The following ATXN3 variants were observed in gnomAD, a reference collection of about 807,000 sequenced individuals.
ATXN3 encodes the protein ataxin 3, also known as ataxin-3.
Under a neutral mutation model 58.2 loss-of-function variants are expected in ATXN3, and 28 were observed. That is an observed-to-expected ratio of 0.48 (90% CI 0.36 to 0.66). The LOEUF (loss-of-function observed/expected upper bound fraction) is 0.66, where lower values mean the gene tolerates loss of function less well. ATXN3 is among the 30% of genes least tolerant of loss of function. The pLI is 0.00. For missense variants in ATXN3, 321 were observed against 422.1 expected (o/e 0.76, Z 2.10); for synonymous variants, 113 against 138.5 (o/e 0.82, Z 1.29).
chr14:92,090,253 C>T (rs892419610), intron 5 of ATXN3: 1 of 151,996 alleles, frequency 6.6e-6, no homozygotes, highest in Non-Finnish European at 1.5e-5. Context: ...CAGGTGTGCA[C>T]CAAGATGCTT....
intron 5 of ATXN3, among the ~76,000 whole-genome samples, chr14:92,089,722 T>C (rs1261901976): frequency 1.3e-5 from 2 of 152,206 alleles, no homozygotes; most frequent in Non-Finnish European, 2.9e-5. Flanking sequence ...GCATAGTCAG[T>C]AGTTTAAATG....
At chr14:92,047,062 A>C (rs1176705327) in intron 2 of ATXN3, among the ~76,000 whole-genome samples, 2 of 152,250 alleles carry the variant, frequency 1.3e-5, no homozygotes, top group Non-Finnish European at 2.9e-5. Context: ...TGAAGTAATG[A>C]GGGCTGTCCC....
intron 5 of ATXN3, among the ~76,000 whole-genome samples, chr14:92,091,933 C>A (rs975642549): frequency 1.3e-5 from 2 of 151,672 alleles, no homozygotes; most frequent in Non-Finnish European, 2.9e-5. Context: ...TGAGCTCAAG[C>A]AATCCTCCTG....
In ATXN3 at chr14:92,058,745, G is replaced by A. The variant is rs1370850305; in HGVS notation, c.*5575C>T. 3 of 152,172 alleles carry A rather than the reference G, an allele frequency of 2.0e-5. No individual in the cohort carries two copies. Among genetic ancestry groups the A allele is most frequent in the Middle Eastern group, 3.2e-3 (1 of 316 alleles). The allele number at this position is 152,172 out of a possible 1,614,324, so 9.4% of individuals were successfully genotyped here. ...ACGAGGGAGCACACACAGAAGGGCT[G>A]CAGGGCTGGGTCCTGAGCAAGCGGC... On this transcript the variant is annotated 3_prime_UTR_variant, in exon 11 of 11. Transcript: ENST00000644486.
chr14:92,063,693 C>T lies in ATXN3; in HGVS notation c.*627G>A, dbSNP rs1016492119. 9 of 152,102 alleles carry T rather than the reference C, an allele frequency of 5.9e-5. No individual in the cohort carries two copies. The highest frequency in any genetic ancestry group is 5.9e-4 in the Admixed American group (9 of 15,260). The allele number at this position is 152,102 out of a possible 1,614,324, so 9.4% of individuals were successfully genotyped here. A position where few individuals can be genotyped will look rare whatever the true frequency, so the allele number is the denominator to read the frequency against. ...CATCGTAGGGCTTAAAACGCTAAAC[C>T]TCAGAAAAGATTACCATCTTTCAAA... On this transcript the variant is annotated 3_prime_UTR_variant, in exon 11 of 11. Transcript: ENST00000644486.
chr14:92,068,597 T>C (rs1411971314), intron 10 of ATXN3, among the ~76,000 whole-genome samples: 2 of 152,000 alleles, frequency 1.3e-5, no homozygotes, highest in African/African-American at 4.8e-5. Context: ...AATGGTTTTT[T>C]TTTTCTTTTT....
chr14:92,103,122 A>C (rs547399238), intron 1 of ATXN3, among the ~76,000 whole-genome samples: 1,739 of 150,880 alleles, frequency 0.012, 46 homozygotes, highest in South Asian at 0.046. Flanking sequence ...AAAAAAAAAA[A>C]AAAAACAAAG....
At chr14:92,099,521 C>T (rs932001558) in intron 1 of ATXN3, among the ~76,000 whole-genome samples, 1 of 152,184 alleles carries the variant, frequency 6.6e-6, no homozygotes, top group South Asian at 2.1e-4. Flanking sequence ...GCAACTCTTA[C>T]TGAATAATAT....
In ATXN3 at chr14:92,106,398, G is replaced by A. The variant is rs973712832; in HGVS notation, c.24+131C>T. The stretch of plus-strand genomic sequence containing the variant: ...AGCCGAGGAGGCGGGAGGCTGCGGC[G>A]TCGCCCCTCGCCGGGCGAGATCGGC... On this transcript the variant is annotated intron_variant, in intron 1 of 10. Transcript: ENST00000644486. The A allele has an allele frequency of 6.8e-6, 8 of 1,173,360 alleles. No homozygotes were observed. The East Asian group carries it at 1.5e-4, about 22-fold the overall frequency. The allele number at this position is 1,173,360 out of a possible 1,614,324, so 72.7% of individuals were successfully genotyped here.
At chr14:92,080,200 C>T (rs1107115) in intron 9 of ATXN3, among the ~76,000 whole-genome samples, 35,020 of 152,034 alleles carry the variant, frequency 0.23, 4,202 homozygotes, top group East Asian at 0.42. Flanking sequence ...GGTTTGCATC[C>T]ATTCCCCTGA....
At chr14:92,093,157 A>G (rs1474604096) in intron 5 of ATXN3, 95 bp downstream of exon 5, 11 of 796,088 alleles carry the variant, frequency 1.4e-5, no homozygotes, top group Non-Finnish European at 2.2e-5. Flanking sequence ...CAGCCTCCCA[A>G]ACTGTTGGCA....
At chr14:92,102,107 C>T (rs540926560) in intron 1 of ATXN3, among the ~76,000 whole-genome samples, 3 of 150,216 alleles carry the variant, frequency 2.0e-5, no homozygotes, top group East Asian at 2.0e-4. Context: ...GAGCTGAGTT[C>T]GCGCCACTGC....
chr14:92,099,785 TG>T (rs1301080622), intron 1 of ATXN3, among the ~76,000 whole-genome samples: 2 of 152,054 alleles, frequency 1.3e-5, no homozygotes, highest in East Asian at 3.9e-4. Flanking sequence ...GAGGATAACT[TG>T]AGCCCCAAAA....
chr14:92,067,995 A>G (rs1217300811), intron 10 of ATXN3, among the ~76,000 whole-genome samples: 1 of 152,188 alleles, frequency 6.6e-6, no homozygotes, highest in Non-Finnish European at 1.5e-5. Context: ...ACTGATCTCC[A>G]CATGGCCTCC....
In ATXN3 at chr14:92,093,061, ATT is replaced by A. The variant is rs200836653; in HGVS notation, c.387+189_387+190del. On this transcript the variant is annotated intron_variant, in intron 5 of 10. Coordinates refer to ENST00000644486, the MANE Select transcript of ATXN3 (RefSeq NM_004993.6). ...TTTTTTTTTATTTATTTTTATTTTTATTTTTATTTTTTTTTTAAGAGACAGGA... is the reference window on the plus strand; with the variant it reads ...TTTTTTTTTATTTATTTTTATTTTTATTTATTTTTTTTTTAAGAGACAGGA... Among the ~76,000 whole-genome samples, 980 of 131,088 alleles carry A rather than the reference ATT, an allele frequency of 7.5e-3. 8 individuals are homozygous for A. The highest frequency in any genetic ancestry group is 0.027 in the African/African-American group (919 of 33,546). The allele number at this position is 131,088 out of a possible 152,430, so 86.0% of individuals were successfully genotyped here.
chr14:92,088,692 C>T (rs372538978), intron 6 of ATXN3, 38 bp downstream of exon 6: 23 of 1,401,708 alleles, frequency 1.6e-5, no homozygotes, highest in South Asian at 8.3e-5. Context: ...TTAACTACTT[C>T]GAAAGGTAAC....
At chr14:92,096,038 G>A (rs2065150476) in intron 3 of ATXN3, 55 bp downstream of exon 3, 2 of 1,388,994 alleles carry the variant, frequency 1.4e-6, no homozygotes, top group South Asian at 1.2e-5. Context: ...TTGAAAGGCT[G>A]TGAAACGGTG....
intron 10 of ATXN3, among the ~76,000 whole-genome samples, chr14:92,068,949 A>C (rs1158654561): frequency 6.6e-6 from 1 of 152,204 alleles, no homozygotes; most frequent in African/African-American, 2.4e-5. Flanking sequence ...GGAGGAATAG[A>C]AAAAAGTACC....
At chr14:92,052,167 A>G (rs992679242), upstream of ATXN3, among the ~76,000 whole-genome samples, 2 of 152,040 alleles carry the variant, frequency 1.3e-5, no homozygotes, top group African/African-American at 4.8e-5. Flanking sequence ...TCATTCCTGC[A>G]TCAACTTGTC....
Sources: allele counts gnomAD v4.1 joint callset (sites outside exome capture counted in the v4.1 genomes callset), GRCh38; gene constraint gnomAD v4.1.1; transcripts MANE v1.5; gene names NCBI Gene and HGNC (gene_info 2026-07-23, HGNC 2026-07-21).